The following HEMK2 variants were observed in gnomAD, a reference collection of about 807,000 sequenced individuals.
HEMK2 encodes methyltransferase HEMK2.
chr21:28,756,350 T>C, the HEMK2 span, among the ~76,000 whole-genome samples: 1 of 152,164 alleles, frequency 6.6e-6, no homozygotes, highest in African/African-American at 2.4e-5. Context: ...GTGCCCAGTT[T>C]TTCTGTCTTT....
the HEMK2 span, among the ~76,000 whole-genome samples, chr21:28,601,702 A>G: frequency 6.6e-6 from 1 of 151,226 alleles, no homozygotes; most frequent in Non-Finnish European, 1.5e-5. Context: ...AGCCCCAAGG[A>G]GCAAGGAGAT....
the HEMK2 span, among the ~76,000 whole-genome samples, chr21:28,587,407 T>C: frequency 1.3e-5 from 2 of 152,212 alleles, no homozygotes; most frequent in Admixed American, 1.3e-4. Context: ...GGTTGGTTTT[T>C]AAACAAATAG....
At chr21:28,695,750 C>G in the HEMK2 span, among the ~76,000 whole-genome samples, 1 of 139,794 alleles carries the variant, frequency 7.2e-6, no homozygotes, top group Admixed American at 7.4e-5. Context: ...AATTTCAAAA[C>G]CAATCATGCC....
At chr21:28,873,196 T>C in the HEMK2 span, 11 of 152,354 alleles carry the variant, frequency 7.2e-5, no homozygotes, top group African/African-American at 2.6e-4. Flanking sequence ...GTTTACTCTC[T>C]CCTTGATATC....
the HEMK2 span, among the ~76,000 whole-genome samples, chr21:28,860,226 C>A: frequency 1.3e-5 from 2 of 152,080 alleles, no homozygotes; most frequent in Admixed American, 6.5e-5. Flanking sequence ...CAGCTCCCAG[C>A]GTGCCTAGAA....
At chr21:28,730,418 A>ACAATTTAT in the HEMK2 span, among the ~76,000 whole-genome samples, 2,128 of 142,232 alleles carry the variant, frequency 0.015, 12 homozygotes, top group African/African-American at 0.019. Context: ...ACACACACAC[A>ACAATTTAT]TTTCTCACAA....
chr21:28,837,165 G>A, the HEMK2 span, among the ~76,000 whole-genome samples: 1 of 152,028 alleles, frequency 6.6e-6, no homozygotes, highest in Non-Finnish European at 1.5e-5. Context: ...AAGAAACAAT[G>A]GATTTAAACT....
the HEMK2 span, among the ~76,000 whole-genome samples, chr21:28,635,973 A>G: frequency 6.6e-6 from 1 of 152,148 alleles, no homozygotes; most frequent in African/African-American, 2.4e-5. Context: ...TGGCTATTGG[A>G]CAACACATGC....
the HEMK2 span, among the ~76,000 whole-genome samples, chr21:28,866,224 C>G: frequency 1.3e-5 from 2 of 149,982 alleles, no homozygotes; most frequent in Admixed American, 6.7e-5. Flanking sequence ...ACCTGTAATC[C>G]CAGCTACTAG....
chr21:28,816,975 A>G, the HEMK2 span, among the ~76,000 whole-genome samples: 2 of 152,342 alleles, frequency 1.3e-5, no homozygotes, highest in South Asian at 4.1e-4. Context: ...ATGGACCATT[A>G]TATGTCATGC....
chr21:28,699,227 T>C, the HEMK2 span, among the ~76,000 whole-genome samples: 2 of 152,214 alleles, frequency 1.3e-5, no homozygotes, highest in African/African-American at 2.4e-5. Context: ...TGTGTTACTA[T>C]TGCAAAGTAT....
chr21:28,662,354 G>C, the HEMK2 span, among the ~76,000 whole-genome samples: 2 of 152,146 alleles, frequency 1.3e-5, no homozygotes, highest in Admixed American at 1.3e-4. Flanking sequence ...TTTGTCATCT[G>C]CCTCCAGTCA....
At chr21:28,697,778 C>CAAA in the HEMK2 span, among the ~76,000 whole-genome samples, 11 of 79,528 alleles carry the variant, frequency 1.4e-4, 1 homozygote, top group Admixed American at 3.1e-4. Context: ...ATCATGAGCC[C>CAAA]AAAAAAAAAA....
the HEMK2 span, among the ~76,000 whole-genome samples, chr21:28,642,223 G>A: frequency 6.6e-6 from 1 of 152,158 alleles, no homozygotes; most frequent in Non-Finnish European, 1.5e-5. Context: ...CTGAATGCAT[G>A]TGTTCCCCCA....
the HEMK2 span, among the ~76,000 whole-genome samples, chr21:28,824,072 A>G: frequency 3.2e-4 from 49 of 152,338 alleles, no homozygotes; most frequent in East Asian, 7.9e-3. Context: ...TTCTAGACTC[A>G]GGATTCTCAA....
chr21:28,805,319 C>T, the HEMK2 span, among the ~76,000 whole-genome samples: 78 of 152,240 alleles, frequency 5.1e-4, no homozygotes, highest in Admixed American at 1.4e-3. Context: ...TCCCACCACC[C>T]GCCCATAAAA....
chr21:28,605,845 A>C, the HEMK2 span, among the ~76,000 whole-genome samples: 1 of 152,182 alleles, frequency 6.6e-6, no homozygotes, highest in Non-Finnish European at 1.5e-5. Flanking sequence ...GGATGTTTCT[A>C]TTTCAATGTC....
the HEMK2 span, among the ~76,000 whole-genome samples, chr21:28,840,397 G>C: frequency 6.6e-6 from 1 of 152,128 alleles, no homozygotes; most frequent in East Asian, 1.9e-4. Flanking sequence ...CTTTTGCATT[G>C]CAAACGGAAC....
At chr21:28,650,825 G>A in the HEMK2 span, among the ~76,000 whole-genome samples, 1 of 152,160 alleles carries the variant, frequency 6.6e-6, no homozygotes, top group East Asian at 1.9e-4. Context: ...GAAGATGAAA[G>A]GGGCTTGAGG....
Sources: gnomAD v4.1 joint callset for allele counts (sites outside exome capture counted in the v4.1 genomes callset) on GRCh38, gnomAD v4.1.1 for gene constraint, MANE v1.5 for transcripts, NCBI Gene and HGNC (gene_info 2026-07-23, HGNC 2026-07-21) for gene names.